SMU1: variants seen among roughly 807,000 people sequenced by gnomAD.
The protein encoded by SMU1 is WD40 repeat-containing protein SMU1.
SMU1 carries 2 observed loss-of-function variants against 62.0 expected under a neutral mutation model. That is an observed-to-expected ratio of 0.03 (90% CI 0.01 to 0.10). The LOEUF (loss-of-function observed/expected upper bound fraction) is 0.10, where lower values mean the gene tolerates loss of function less well. Among genes scored for constraint, SMU1 ranks in the 10% least tolerant of loss-of-function variants. The probability of loss-of-function intolerance (pLI) is 1.00; values close to 1 mark genes in which losing one functional copy is unlikely to be tolerated. For synonymous variants in SMU1, 188 were observed against 212.4 expected, an observed-to-expected ratio of 0.89 and a Z score of 1.00; for missense variants, 227 against 622.1, an observed-to-expected ratio of 0.36 and a Z score of 6.76.
chr9:33,057,819 C>T, intron 6 of SMU1, 105 bp from the exon 7 acceptor site: 1 of 1,452,598 alleles, frequency 6.9e-7, no homozygotes, highest in East Asian at 2.3e-5. Flanking sequence ...CTACTCTAAA[C>T]CCCCAAAGTA....
intron 10 of SMU1, among the ~76,000 whole-genome samples, chr9:33,048,511 AAG>A (rs1173855033): frequency 6.6e-6 from 1 of 152,188 alleles, no homozygotes; most frequent in African/African-American, 2.4e-5. Context: ...TCATGCCCTA[AAG>A]AGACATATTA....
At chr9:33,064,408 A>C (rs1177553387) in intron 4 of SMU1, among the ~76,000 whole-genome samples, 2 of 152,110 alleles carry the variant, frequency 1.3e-5, no homozygotes, top group African/African-American at 4.8e-5. Context: ...AAAATATCTA[A>C]CTTTCTATCT....
intron 4 of SMU1, among the ~76,000 whole-genome samples, chr9:33,065,883 A>G (rs1013029063): frequency 1.3e-5 from 2 of 152,204 alleles, no homozygotes; most frequent in Non-Finnish European, 2.9e-5. Context: ...AGAAGCCACA[A>G]TGAAAACTGG....
At position 33,060,499 on chromosome 9, in the gene SMU1, T is replaced by G; in HGVS notation, c.716A>C (p.Glu239Ala). The change falls in exon 6 of 12, where the codon GAA (glutamate) becomes GCA (alanine). Residue 239 changes from glutamate to alanine, a missense_variant. Transcript: ENST00000397149. ...TTTTCCAGTAGTAAAGTTCCATACT[T>G]CAATGAATCCATCAACAGACCCAGT... Reference protein sequence around the residue: ...LVTGSVDGFIEVWNFTTGKIR... With the variant: ...LVTGSVDGFIAVWNFTTGKIR... 1 of 1,610,598 alleles carries G rather than the reference T, an allele frequency of 6.2e-7. No homozygotes were observed. Among genetic ancestry groups the G allele is most frequent in the Non-Finnish European group, 8.5e-7 (1 of 1,179,236 alleles).
chr9:33,057,191 C>CT (rs779908870), intron 7 of SMU1, among the ~76,000 whole-genome samples: 3 of 152,138 alleles, frequency 2.0e-5, no homozygotes, highest in Admixed American at 6.6e-5. Flanking sequence ...AATATAGACT[C>CT]TAAGTTCACT....
intron 10 of SMU1, among the ~76,000 whole-genome samples, chr9:33,050,757 C>G (rs1839235728): frequency 6.6e-6 from 1 of 150,696 alleles, no homozygotes; most frequent in Non-Finnish European, 1.5e-5. Context: ...ACCCGGGGGC[C>G]GGAGGTTGCA....
At chr9:33,056,373 G>A in intron 8 of SMU1, 134 bp from the exon 9 acceptor site, 1 of 877,722 alleles carries the variant, frequency 1.1e-6, no homozygotes, top group Non-Finnish European at 1.6e-6. Context: ...ATGTGATTGT[G>A]TATACGGTGT....
chr9:33,063,756 A>G (rs907559512), intron 4 of SMU1, among the ~76,000 whole-genome samples: 1 of 152,044 alleles, frequency 6.6e-6, no homozygotes, highest in African/African-American at 2.4e-5. Context: ...ATGATCTTAG[A>G]TGGAAGAGTT....
chr9:33,060,724 T>C (rs992534340), intron 5 of SMU1, 140 bp from the exon 6 acceptor site: 3 of 1,054,382 alleles, frequency 2.8e-6, no homozygotes, highest in African/African-American at 3.4e-5. Flanking sequence ...GGGGTATTTC[T>C]GTACCTGGAC....
intron 1 of SMU1, among the ~76,000 whole-genome samples, chr9:33,074,573 G>A (rs1042884617): frequency 6.6e-5 from 10 of 152,032 alleles, no homozygotes; most frequent in Non-Finnish European, 1.5e-4. Flanking sequence ...TCATGCCACT[G>A]CACTCTAGCC....
intron 6 of SMU1, 63 bp from the exon 7 acceptor site, chr9:33,057,777 A>C: frequency 6.3e-7 from 1 of 1,597,372 alleles, no homozygotes; most frequent in Non-Finnish European, 8.5e-7. Flanking sequence ...GTTCTCTACA[A>C]ACTCACAAAA....
At chr9:33,074,258 G>A (rs1475002197) in intron 1 of SMU1, among the ~76,000 whole-genome samples, 26 of 152,144 alleles carry the variant, frequency 1.7e-4, no homozygotes, top group Admixed American at 1.7e-3. Flanking sequence ...GAAACCAGGA[G>A]GTTTGAGACC....
At chr9:33,049,543 CTT>C (rs1409679925) in intron 10 of SMU1, among the ~76,000 whole-genome samples, 2 of 149,800 alleles carry the variant, frequency 1.3e-5, no homozygotes, top group African/African-American at 5.1e-5. Flanking sequence ...AGTTTGATGA[CTT>C]TTTAGATACA....
rs1015301961 is a variant in SMU1 at position 33,053,372 on chromosome 9, T to C, written c.1123-82A>G. ...TTTAGGGTTTAAAATATTAACAGTTTACTAAAAAAGAATAGAAATGATTCA... is the reference window on the plus strand; with the variant it reads ...TTTAGGGTTTAAAATATTAACAGTTCACTAAAAAAGAATAGAAATGATTCA... On this transcript the variant is annotated intron_variant, in intron 9 of 11. Transcript: ENST00000397149. 150 of 1,348,928 alleles carry C rather than the reference T, an allele frequency of 1.1e-4. No homozygotes were observed. The African/African-American group carries it at 2.1e-3, about 19-fold the overall frequency. 83.6% of individuals were successfully genotyped at this position (1,348,928 alleles called of 1,614,324 possible).
In SMU1 at chr9:33,045,133, A is replaced by C. The variant is rs1368086699; in HGVS notation, c.*2160T>G. ...CCAACACGTGCTGACTAGATTCTCC[A>C]TCTTCATAAACGGTGATACAAACTA... On this transcript the variant is annotated 3_prime_UTR_variant, in exon 12 of 12. Transcript: ENST00000397149. 6.6e-6 allele frequency: 1 copy of C among 152,216 alleles called. No homozygotes were observed. The highest frequency in any genetic ancestry group is 2.4e-5 in the African/African-American group (1 of 41,458). The allele number at this position is 152,216 out of a possible 1,614,324, so 9.4% of individuals were successfully genotyped here. A position where few individuals can be genotyped will look rare whatever the true frequency, so the allele number is the denominator to read the frequency against.
In SMU1 at chr9:33,062,243, A is replaced by G. The variant is rs563599693; in HGVS notation, c.502-66T>C. The G allele has an allele frequency of 5.9e-6, 9 of 1,537,706 alleles. No homozygotes were observed. The East Asian group carries it at 1.8e-4, about 31-fold the overall frequency. On this transcript the variant is annotated intron_variant, in intron 4 of 11. Transcript: ENST00000397149. ...TTTTAAGATCTGGTCATAAGTGCTC[A>G]GAAACCAAGCCCGAAAGGATGAGGT...
chr9:33,076,529 C>T, intron 1 of SMU1, 54 bp downstream of exon 1: 1 of 1,609,874 alleles, frequency 6.2e-7, no homozygotes, highest in Non-Finnish European at 8.5e-7. Context: ...CCGCCCCACA[C>T]CCTTAACCTC....
At chr9:33,051,554 C>G (rs1171575391) in intron 10 of SMU1, among the ~76,000 whole-genome samples, 5 of 152,110 alleles carry the variant, frequency 3.3e-5, no homozygotes, top group Admixed American at 3.3e-4. Context: ...GAAGGCTGTG[C>G]CCGTGGGAGG....
chr9:33,062,199 T>C (rs10813929), intron 4 of SMU1, 22 bp from the exon 5 acceptor site: 230,752 of 1,603,736 alleles, frequency 0.14, 17,231 homozygotes, highest in Non-Finnish European at 0.15. Flanking sequence ...AAAAAAAATA[T>C]AGCAATCTGT....
Sources: allele counts gnomAD v4.1 joint callset (sites outside exome capture counted in the v4.1 genomes callset), GRCh38; gene constraint gnomAD v4.1.1; transcripts MANE v1.5; gene names NCBI Gene and HGNC (gene_info 2026-07-23, HGNC 2026-07-21).